PKIG: variants seen among roughly 807,000 people sequenced by gnomAD.
The protein encoded by PKIG is protein kinase (cAMP-dependent, catalytic) inhibitor gamma.
PKIG carries 1 observed loss-of-function variant against 6.8 expected under a neutral mutation model. That is an observed-to-expected ratio of 0.15 (90% CI 0.05 to 0.69). PKIG has a LOEUF of 0.69. Among genes scored for constraint, PKIG ranks in the 30% least tolerant of loss-of-function variants. PKIG has a pLI of 0.82. For synonymous variants in PKIG, 39 were observed against 43.0 expected, an observed-to-expected ratio of 0.91 and a Z score of 0.36; for missense variants, 77 against 104.0, an observed-to-expected ratio of 0.74 and a Z score of 1.13.
intron 2 of PKIG, among the ~76,000 whole-genome samples, chr20:44,602,625 G>A (rs962098643): frequency 8.6e-5 from 13 of 151,550 alleles, no homozygotes; most frequent in Admixed American, 8.5e-4. Context: ...TTGAGGTCAG[G>A]AGTTCAAGAT....
upstream of PKIG, among the ~76,000 whole-genome samples, chr20:44,579,481 G>T (rs1234907019): frequency 1.3e-5 from 2 of 152,256 alleles, no homozygotes; most frequent in Non-Finnish European, 2.9e-5. Context: ...TCTGCCCCTT[G>T]CTCCCGTGAG....
chr20:44,592,010 G>A (rs944115185), intron 2 of PKIG, among the ~76,000 whole-genome samples: 6 of 152,180 alleles, frequency 3.9e-5, no homozygotes, highest in East Asian at 1.9e-4. Flanking sequence ...AACACTGACC[G>A]AAGGCCAGGT....
chr20:44,556,259 G>C (rs546663384), intron 1 of PKIG, among the ~76,000 whole-genome samples: 1 of 152,296 alleles, frequency 6.6e-6, no homozygotes, highest in South Asian at 2.1e-4. Context: ...CTTAAAAAAA[G>C]TGTGTTTGGC....
intron 2 of PKIG, among the ~76,000 whole-genome samples, chr20:44,607,119 G>A (rs2065170025): frequency 6.6e-6 from 1 of 152,150 alleles, no homozygotes; most frequent in Non-Finnish European, 1.5e-5. Context: ...CCTTTGAGGT[G>A]GCAATTCCAC....
At chr20:44,604,158 A>G (rs570147921) in intron 2 of PKIG, among the ~76,000 whole-genome samples, 15 of 152,240 alleles carry the variant, frequency 9.9e-5, no homozygotes, top group Non-Finnish European at 1.6e-4. Flanking sequence ...GAAAATGGGA[A>G]GATGGACCTG....
chr20:44,545,513 GA>G (rs1352246500), intron 1 of PKIG, among the ~76,000 whole-genome samples: 1 of 151,602 alleles, frequency 6.6e-6, no homozygotes, highest in Non-Finnish European at 1.5e-5. Flanking sequence ...AAAGATTGAA[GA>G]AAAAAATTAT....
At chr20:44,613,184 G>A (rs1432866307) in intron 2 of PKIG, among the ~76,000 whole-genome samples, 1 of 151,582 alleles carries the variant, frequency 6.6e-6, no homozygotes, top group Non-Finnish European at 1.5e-5. Context: ...TCTTTTTTTC[G>A]AGATGGAGTC....
At chr20:44,552,009 T>C (rs2123198473) in intron 1 of PKIG, among the ~76,000 whole-genome samples, 1 of 152,328 alleles carries the variant, frequency 6.6e-6, no homozygotes, top group African/African-American at 2.4e-5. Flanking sequence ...TTGCTACACT[T>C]TTCTATATAA....
intron 1 of PKIG, among the ~76,000 whole-genome samples, chr20:44,565,497 A>G (rs1342998457): frequency 6.6e-6 from 1 of 152,242 alleles, no homozygotes. Context: ...GGTCAACCCC[A>G]CTAAGGGGGA....
intron 1 of PKIG, among the ~76,000 whole-genome samples, chr20:44,537,447 C>G (rs1358002581): frequency 6.6e-6 from 1 of 152,062 alleles, no homozygotes; most frequent in East Asian, 1.9e-4. Flanking sequence ...GTTGGCCAGG[C>G]TGGTCTTGAC....
intron 2 of PKIG, among the ~76,000 whole-genome samples, chr20:44,611,682 A>C (rs1238023991): frequency 6.6e-6 from 1 of 151,448 alleles, no homozygotes; most frequent in Non-Finnish European, 1.5e-5. Flanking sequence ...ACGCCTGGCT[A>C]ATTTTTGTTT....
chr20:44,532,582 A>G (rs909060568), intron 1 of PKIG, among the ~76,000 whole-genome samples: 3 of 152,164 alleles, frequency 2.0e-5, no homozygotes, highest in African/African-American at 7.2e-5. Context: ...AGTTTTCCGG[A>G]GGAGACAGAC....
chr20:44,556,599 G>T (rs1000574763), intron 1 of PKIG, among the ~76,000 whole-genome samples: 2 of 151,756 alleles, frequency 1.3e-5, no homozygotes, highest in African/African-American at 4.8e-5. Flanking sequence ...CTGACCTCAG[G>T]TGATCTGCCC....
rs200159783 is a variant in PKIG at position 44,602,678 on chromosome 20, C to CA, written c.-23-11843dup. Among the ~76,000 whole-genome samples, 749 of 136,346 alleles carry CA rather than the reference C, an allele frequency of 5.5e-3. 2 individuals are homozygous for CA. Among genetic ancestry groups the CA allele is most frequent in the Middle Eastern group, 0.03 (8 of 268 alleles). The allele number at this position is 136,346 out of a possible 152,430, so 89.4% of individuals were successfully genotyped here. Reference sequence around the variant, plus strand: ...TGAAACCCCATCTCTATTAAAAATACAAAAAAAAAAAAATTAGCCGGGTAT... The same window carrying CA: ...TGAAACCCCATCTCTATTAAAAATACAAAAAAAAAAAAAATTAGCCGGGTAT... On this transcript the variant is annotated intron_variant, in intron 2 of 3. Coordinates refer to ENST00000372886, the MANE Select transcript of PKIG (RefSeq NM_001281445.2).
At chr20:44,570,074 C>G (rs961773176) in intron 1 of PKIG, among the ~76,000 whole-genome samples, 2 of 152,108 alleles carry the variant, frequency 1.3e-5, no homozygotes, top group Non-Finnish European at 2.9e-5. Context: ...GAGGTTACAG[C>G]GAGCTATGAT....
At chr20:44,546,052 C>T (rs8122639) in intron 1 of PKIG, among the ~76,000 whole-genome samples, 1,746 of 152,208 alleles carry the variant, frequency 0.011, 43 homozygotes, top group African/African-American at 0.04. Flanking sequence ...GTTCGAGACA[C>T]AAGCCTGGGA....
At chr20:44,552,642 G>T (rs566471257) in intron 1 of PKIG, among the ~76,000 whole-genome samples, 11 of 152,122 alleles carry the variant, frequency 7.2e-5, no homozygotes, top group Admixed American at 1.3e-4. Flanking sequence ...ACCCCTGTGC[G>T]CCAGGTTCCT....
At chr20:44,558,007 C>G (rs954824276) in intron 1 of PKIG, among the ~76,000 whole-genome samples, 1 of 151,124 alleles carries the variant, frequency 6.6e-6, no homozygotes, top group African/African-American at 2.5e-5. Flanking sequence ...TATAAGATAA[C>G]CCCCATAAAA....
In PKIG at chr20:44,594,976, C is replaced by T. The variant is rs557473086; in HGVS notation, c.-24+5110C>T. On this transcript the variant is annotated intron_variant, in intron 2 of 3. Coordinates refer to ENST00000372886, the MANE Select transcript of PKIG (RefSeq NM_001281445.2). ...TCTTGTGACCTGTTCTGACTCAGGG[C>T]CCCTGGGAATCCCCTGGGTGCAGAT... 2.0e-5 allele frequency among the ~76,000 whole-genome samples: 3 copies of T among 152,314 alleles called. No homozygotes were observed. In the South Asian group the frequency reaches 6.2e-4, roughly 32 times the overall value.
Sources: gnomAD v4.1 joint callset for allele counts (sites outside exome capture counted in the v4.1 genomes callset) on GRCh38, gnomAD v4.1.1 for gene constraint, MANE v1.5 for transcripts, NCBI Gene and HGNC (gene_info 2026-07-23, HGNC 2026-07-21) for gene names.